The following MAP2K1 variants were observed in gnomAD, a reference collection of about 807,000 sequenced individuals.
MAP2K1 encodes mitogen-activated protein kinase kinase 1.
MAP2K1 carries 16 observed loss-of-function variants against 46.3 expected under a neutral mutation model. The observed-to-expected ratio is 0.35, with a 90% CI of 0.23 to 0.52. The LOEUF is 0.52. Among genes scored for constraint, MAP2K1 ranks in the 20% least tolerant of loss-of-function variants. MAP2K1 has a pLI of 0.94. For missense variants in MAP2K1, 263 were observed against 497.1 expected (o/e 0.53, Z 4.48); for synonymous variants, 183 against 185.6 (o/e 0.99, Z 0.11).
Position 66,420,835 on chromosome 15 carries a change from A to ATG in MAP2K1, c.81-14191_81-14190insGT, listed in dbSNP as rs1481286139. Among the ~76,000 whole-genome samples, 21 of 107,174 alleles carry ATG rather than the reference A, an allele frequency of 2.0e-4. 2 individuals carry two copies. The highest frequency in any genetic ancestry group is 4.0e-4 in the Admixed American group (4 of 9,992). The allele number at this position is 107,174 out of a possible 152,430, so 70.3% of individuals were successfully genotyped here. ...TATATGTGTATATATATATGTGTAT[A>ATG]TATATGTGTGTATATATATGTGTGT... On this transcript the variant is annotated intron_variant, in intron 1 of 10. Transcript: ENST00000307102.
At chr15:66,438,633 A>G (rs2093495196) in intron 3 of MAP2K1, among the ~76,000 whole-genome samples, 1 of 152,016 alleles carries the variant, frequency 6.6e-6, no homozygotes, top group African/African-American at 2.4e-5. Context: ...CTCTTAGCCC[A>G]TTTCCAGTGA....
chr15:66,471,618 G>T (rs547543880), intron 5 of MAP2K1, among the ~76,000 whole-genome samples: 2 of 151,758 alleles, frequency 1.3e-5, no homozygotes, highest in East Asian at 3.9e-4. Flanking sequence ...TAAGATTCTT[G>T]GTTGCTAATG....
chr15:66,435,007 T>G lies in MAP2K1; in HGVS notation c.81-20T>G, dbSNP rs373883835. On this transcript the variant is annotated intron_variant, in intron 1 of 10. Coordinates refer to ENST00000307102, the MANE Select transcript of MAP2K1 (RefSeq NM_002755.4). ...CTTCTCTGGTGACAGTATTGACTTG[T>G]GCTCCCCACTTTGGAACAGGACCAA... 69 of 1,525,326 alleles carry G rather than the reference T, an allele frequency of 4.5e-5. No individual in the cohort carries two copies. Among genetic ancestry groups the G allele is most frequent in the Non-Finnish European group, 5.8e-5 (64 of 1,099,466 alleles). 94.5% of individuals were successfully genotyped at this position (1,525,326 alleles called of 1,614,324 possible).
intron 9 of MAP2K1, 50 bp downstream of exon 9, chr15:66,489,326 C>G (rs779678270): frequency 6.6e-7 from 1 of 1,514,110 alleles, no homozygotes; most frequent in Admixed American, 1.7e-5. Flanking sequence ...ATTTGTCAGG[C>G]TCCCCACCCC....
intron 5 of MAP2K1, among the ~76,000 whole-genome samples, chr15:66,472,075 C>CAA (rs56820379): frequency 0.44 from 40,394 of 91,378 alleles, 9,893 homozygotes; most frequent in East Asian, 0.61. Context: ...GACTCCATCT[C>CAA]AAAAAAAAAA....
At chr15:66,487,445 C>T (rs934635270) in intron 8 of MAP2K1, among the ~76,000 whole-genome samples, 153 bp downstream of exon 8, 1 of 152,162 alleles carries the variant, frequency 6.6e-6, no homozygotes, top group African/African-American at 2.4e-5. Context: ...TCGAGACCAG[C>T]CTGGCCAACA....
intron 1 of MAP2K1, among the ~76,000 whole-genome samples, chr15:66,428,432 T>G (rs1220109257): frequency 6.6e-6 from 1 of 151,872 alleles, no homozygotes; most frequent in Non-Finnish European, 1.5e-5. Flanking sequence ...AGACCCAGGG[T>G]AGGGTTGCAT....
intron 2 of MAP2K1, 21 bp from the exon 3 acceptor site, chr15:66,436,725 C>CT (rs773454424): frequency 8.1e-6 from 13 of 1,613,380 alleles, no homozygotes; most frequent in Non-Finnish European, 1.1e-5. Flanking sequence ...TAAAACCTCT[C>CT]TTTCTTCCAC....
At chr15:66,392,905 C>T (rs2093360030) in intron 1 of MAP2K1, among the ~76,000 whole-genome samples, 1 of 152,152 alleles carries the variant, frequency 6.6e-6, no homozygotes, top group Non-Finnish European at 1.5e-5. Context: ...TGATGCTATA[C>T]AATATGTGTC....
In MAP2K1 at chr15:66,439,626, C is replaced by T. The variant is rs573226034; in HGVS notation, c.438+2734C>T. Among the ~76,000 whole-genome samples the T allele has an allele frequency of 1.2e-4, 19 of 152,196 alleles. 1 individual carries two copies. In the South Asian group the frequency reaches 3.9e-3, roughly 32 times the overall value. On this transcript the variant is annotated intron_variant, in intron 3 of 10. Transcript: ENST00000307102. The stretch of plus-strand genomic sequence containing the variant: ...TACTAAAAATGCAAAATTAGCCAGG[C>T]GTGGTGGCACATGCCTGTAATCCCA...
chr15:66,464,605 A>T (rs1340988426), intron 5 of MAP2K1, among the ~76,000 whole-genome samples: 1 of 151,944 alleles, frequency 6.6e-6, no homozygotes, highest in Non-Finnish European at 1.5e-5. Flanking sequence ...GCTCACTGCA[A>T]CCTCTGCCTT....
At chr15:66,398,836 C>A (rs1250941847) in intron 1 of MAP2K1, among the ~76,000 whole-genome samples, 2 of 149,622 alleles carry the variant, frequency 1.3e-5, no homozygotes, top group Non-Finnish European at 3.0e-5. Context: ...TGCAGTGGTG[C>A]GATCTCGGCT....
chr15:66,435,327 TCA>T (rs2093485088), intron 2 of MAP2K1, 90 bp downstream of exon 2: 3 of 1,035,960 alleles, frequency 2.9e-6, no homozygotes, highest in Admixed American at 1.9e-5. Context: ...CTGATTTTAC[TCA>T]ATACCTTTTT....
At chr15:66,440,632 A>G (rs373862701) in intron 3 of MAP2K1, among the ~76,000 whole-genome samples, 7 of 152,366 alleles carry the variant, frequency 4.6e-5, no homozygotes, top group Admixed American at 2.0e-4. Context: ...CTAGGGACCC[A>G]GAGTTAATGG....
At chr15:66,453,693 T>C (rs1892094338) in intron 5 of MAP2K1, 1 of 595,108 alleles carries the variant, frequency 1.7e-6, no homozygotes, top group Non-Finnish European at 3.0e-6. Context: ...TTTATTCTTC[T>C]GTCCTTGAGG....
chr15:66,395,155 A>G (rs550313695), intron 1 of MAP2K1, among the ~76,000 whole-genome samples: 4 of 152,352 alleles, frequency 2.6e-5, no homozygotes, highest in African/African-American at 4.8e-5. Flanking sequence ...ACAGATATCA[A>G]TAGTACCAAA....
intron 1 of MAP2K1, among the ~76,000 whole-genome samples, chr15:66,405,477 C>T (rs770557753): frequency 2.6e-5 from 4 of 152,196 alleles, no homozygotes; most frequent in Admixed American, 6.5e-5. Context: ...AGAGGTCATT[C>T]AGTTTTGCCC....
intron 5 of MAP2K1, chr15:66,453,521 G>T: frequency 1.4e-6 from 1 of 702,338 alleles, no homozygotes; most frequent in Non-Finnish European, 2.6e-6. Context: ...CTGTGCACCA[G>T]CAATTCCTGA....
At chr15:66,435,375 G>A in intron 2 of MAP2K1, 138 bp downstream of exon 2, 1 of 672,364 alleles carries the variant, frequency 1.5e-6, no homozygotes, top group African/African-American at 1.8e-5. Flanking sequence ...TTAAGACGGA[G>A]TTTCATTCTT....
Sources: gnomAD v4.1 joint callset for allele counts (sites outside exome capture counted in the v4.1 genomes callset) on GRCh38, gnomAD v4.1.1 for gene constraint, MANE v1.5 for transcripts, NCBI Gene and HGNC (gene_info 2026-07-23, HGNC 2026-07-21) for gene names.